The following LPA variants were observed in gnomAD, a reference collection of about 807,000 sequenced individuals.
The protein encoded by LPA is lipoprotein(a).
A neutral mutation model predicts 197.9 loss-of-function variants in LPA; 199 were observed. The ratio of observed to expected loss-of-function variants is 1.01; its 90% confidence interval spans 0.90 to 1.13. LPA has a LOEUF of 1.13. LPA is among the 50% of genes most tolerant of loss of function. LPA has a pLI of 0.00. For missense variants in LPA, 1,853 were observed against 1,785.8 expected (o/e 1.04, Z -0.68); for synonymous variants, 715 against 639.5 (o/e 1.12, Z -1.78).
chr6:160,548,802 A>G (rs1417426460), intron 30 of LPA, 143 bp from the exon 31 acceptor site: 2 of 819,672 alleles, frequency 2.4e-6, no homozygotes, highest in African/African-American at 3.4e-5. Flanking sequence ...TTGCCACAAC[A>G]CAAATGTTCC....
intron 30 of LPA, among the ~76,000 whole-genome samples, chr6:160,553,944 T>TGC: frequency 8.6e-6 from 1 of 116,896 alleles, no homozygotes; most frequent in African/African-American, 3.8e-5. Context: ...TCTCTGTGTG[T>TGC]GTGTGTGTGT....
At chr6:160,585,348 A>T in intron 25 of LPA, 143 bp from the exon 26 acceptor site, 1 of 793,686 alleles carries the variant, frequency 1.3e-6, no homozygotes, top group Non-Finnish European at 2.2e-6. Flanking sequence ...TGTAGAATAA[A>T]AATACAAATA....
intron 1 of LPA, among the ~76,000 whole-genome samples, chr6:160,658,235 C>T (rs1024421487): frequency 6.6e-6 from 1 of 152,182 alleles, no homozygotes; most frequent in Non-Finnish European, 1.5e-5. Context: ...GGTTCTCCCA[C>T]ACATCCCCAC....
At chr6:160,551,843 A>G (rs1379311390) in intron 30 of LPA, among the ~76,000 whole-genome samples, 2 of 151,168 alleles carry the variant, frequency 1.3e-5, no homozygotes, top group African/African-American at 4.9e-5. Context: ...TTTACCATAT[A>G]TGTATGTGGG....
chr6:160,557,681 T>G, intron 28 of LPA, 110 bp from the exon 29 acceptor site: 1 of 930,558 alleles, frequency 1.1e-6, no homozygotes, highest in Non-Finnish European at 1.7e-6. Flanking sequence ...CGTTGTAATA[T>G]TCCCATTTTA....
At chr6:160,607,595 C>A (rs1231552665) in intron 16 of LPA, among the ~76,000 whole-genome samples, 1 of 152,116 alleles carries the variant, frequency 6.6e-6, no homozygotes, top group African/African-American at 2.4e-5. Context: ...CCTTATGCCT[C>A]CCAAGAACGT....
At chr6:160,541,357 A>G (rs111228046) in intron 34 of LPA, among the ~76,000 whole-genome samples, 176 bp from the exon 35 acceptor site, 35 of 152,118 alleles carry the variant, frequency 2.3e-4, no homozygotes, top group African/African-American at 8.2e-4. Flanking sequence ...CAGTAGTGAG[A>G]TTTTTCAGAA....
chr6:160,648,218 C>T (rs1469212562), intron 2 of LPA, among the ~76,000 whole-genome samples: 1 of 152,168 alleles, frequency 6.6e-6, no homozygotes, highest in East Asian at 1.9e-4. Context: ...TATCACTGTT[C>T]CTCTAGCAAG....
At position 160,539,259 on chromosome 6, in the gene LPA, C is replaced by T. The variant is rs868311394; in HGVS notation, c.5735+784G>A. Among the ~76,000 whole-genome samples, 5 of 152,188 alleles carry T rather than the reference C, an allele frequency of 3.3e-5. No homozygotes were observed. In the South Asian group the frequency reaches 1.0e-3, roughly 31 times the overall value. ...CTTGTCACCTGTCCCAAACCTGCCT[C>T]TCCTACAAATACTGTTTCTTAGCTG... On this transcript the variant is annotated intron_variant, in intron 36 of 38. Transcript: ENST00000316300.
At chr6:160,564,998 C>A (rs181220472) in intron 28 of LPA, among the ~76,000 whole-genome samples, 1 of 152,300 alleles carries the variant, frequency 6.6e-6, no homozygotes, top group African/African-American at 2.4e-5. Flanking sequence ...ATTGCTGAGA[C>A]TTGAGTAGGT....
Position 160,556,202 on chromosome 6 carries a change from CA to C in LPA, c.4814-19del, listed in dbSNP as rs1778260723. 1 of 1,613,226 alleles carries C rather than the reference CA, an allele frequency of 6.2e-7. No individual in the cohort carries two copies. Among genetic ancestry groups the C allele is most frequent in the Admixed American group, 1.7e-5 (1 of 59,952 alleles). On this transcript the variant is annotated intron_variant, in intron 29 of 38. Transcript: ENST00000316300. ...AGTTGGTGCTGAAAATAGACAAAAT[CA>C]AGCTGAGTAACTACTAGTATGCAGA...
At chr6:160,596,582 A>G (rs1287681722) in intron 20 of LPA, among the ~76,000 whole-genome samples, 1 of 152,174 alleles carries the variant, frequency 6.6e-6, no homozygotes, top group Non-Finnish European at 1.5e-5. Context: ...TTTCTTAGCC[A>G]TCAGAGACAT....
chr6:160,634,424 C>A (rs938368406), intron 7 of LPA, among the ~76,000 whole-genome samples: 46 of 119,976 alleles, frequency 3.8e-4, no homozygotes, highest in African/African-American at 1.5e-3. Context: ...CTTTGCTTCT[C>A]AAGGATGTGT....
intron 16 of LPA, among the ~76,000 whole-genome samples, chr6:160,610,598 T>G (rs1779477108): frequency 6.6e-6 from 1 of 152,180 alleles, no homozygotes; most frequent in African/African-American, 2.4e-5. Flanking sequence ...CAGTGTCATG[T>G]GAGGCCAACT....
intron 37 of LPA, among the ~76,000 whole-genome samples, chr6:160,536,078 G>A (rs1777889949): frequency 6.6e-6 from 1 of 152,194 alleles, no homozygotes; most frequent in Non-Finnish European, 1.5e-5. Context: ...TTCAGGGGCA[G>A]GACTGTGACC....
At chr6:160,611,541 T>C (rs371744922) in intron 16 of LPA, 21 bp downstream of exon 16, 5 of 1,607,082 alleles carry the variant, frequency 3.1e-6, no homozygotes, top group South Asian at 1.1e-5. Context: ...TATTCTCTTA[T>C]GGTAAAGAAC....
At chr6:160,587,768 TGTG>T (rs1562333145) in intron 24 of LPA, among the ~76,000 whole-genome samples, 1 of 117,982 alleles carries the variant, frequency 8.5e-6, no homozygotes, top group Non-Finnish European at 1.7e-5. Context: ...TGTGTGTGTG[TGTG>T]TGTGTGTGTG....
In LPA at chr6:160,548,609, C is replaced by G. The variant is rs775779685; in HGVS notation, c.5024G>C (p.Trp1675Ser). ...CRNPDADTGP[W>S]CFTMDPSIRW... is the part of the protein sequence containing the mutation. ...GATGCTGGGGTCCATGGTAAAACAC[C>G]AAGGGCCTGTATCGGCATCTGGATT... is the stretch of plus-strand genomic sequence containing the variant. Residue 1675 changes from tryptophan (W) to serine (S), a missense_variant, in exon 31 of 39, where the codon TGG becomes TCG. Coordinates refer to ENST00000316300, the MANE Select transcript of LPA (RefSeq NM_005577.4). 6.2e-7 allele frequency: 1 copy of G among 1,614,102 alleles called. No homozygotes were observed. The highest frequency in any genetic ancestry group is 8.5e-7 in the Non-Finnish European group (1 of 1,180,012).
intron 28 of LPA, among the ~76,000 whole-genome samples, chr6:160,564,945 C>T (rs188736966): frequency 2.6e-5 from 4 of 152,162 alleles, no homozygotes; most frequent in South Asian, 2.1e-4. Context: ...AGTCTGAGAC[C>T]GAACTGCAAG....
Sources: allele counts gnomAD v4.1 joint callset (sites outside exome capture counted in the v4.1 genomes callset), GRCh38; gene constraint gnomAD v4.1.1; transcripts MANE v1.5; gene names NCBI Gene and HGNC (gene_info 2026-07-23, HGNC 2026-07-21).